Variants in FBXL7 observed in about 807,000 individuals in gnomAD.
FBXL7 encodes the protein F-box and leucine rich repeat protein 7, also known as F-box/LRR-repeat protein 7.
Under a neutral mutation model 38.3 loss-of-function variants are expected in FBXL7, and 12 were observed. The ratio of observed to expected loss-of-function variants is 0.31; its 90% confidence interval spans 0.20 to 0.51. The LOEUF is 0.51. FBXL7 is among the 20% of genes least tolerant of loss of function. The probability of loss-of-function intolerance (pLI) is 0.98; values close to 1 mark genes in which losing one functional copy is unlikely to be tolerated. For missense variants in FBXL7, 567 were observed against 676.4 expected, an observed-to-expected ratio of 0.84 and a Z score of 1.79; for synonymous variants, 297 against 300.9, an observed-to-expected ratio of 0.99 and a Z score of 0.13.
chr5:15,536,408 G>A (rs1737584437), intron 1 of FBXL7, among the ~76,000 whole-genome samples: 1 of 152,342 alleles, frequency 6.6e-6, no homozygotes, highest in East Asian at 1.9e-4. Flanking sequence ...GAAAGCTTCT[G>A]TGGTGGCTGT....
chr5:15,855,109 G>T (rs1739217164), intron 2 of FBXL7, among the ~76,000 whole-genome samples: 1 of 152,006 alleles, frequency 6.6e-6, no homozygotes, highest in South Asian at 2.1e-4. Flanking sequence ...AGTTTGCCCT[G>T]CTAATTTTCA....
rs185486682 is a variant in FBXL7, at chr5:15,558,130, T to C, written c.37+57417T>C. ...TACCACTGGATTCTACACATAAAAA[T>C]GGCTAGAATCACATGTTTTGTTATA... On this transcript the variant is annotated intron_variant, in intron 1 of 3. Transcript: ENST00000504595. Among the ~76,000 whole-genome samples the C allele has an allele frequency of 4.6e-5, 7 of 152,270 alleles. No individual in the cohort carries two copies. In the East Asian group the frequency reaches 1.4e-3, roughly 29 times the overall value.
chr5:15,781,667 GT>G (rs145767944), intron 2 of FBXL7, among the ~76,000 whole-genome samples: 3,315 of 152,076 alleles, frequency 0.022, 85 homozygotes, highest in East Asian at 0.068. Flanking sequence ...TTGCACCATA[GT>G]TTGATTTTTT....
chr5:15,602,776 G>C (rs1489234679), intron 1 of FBXL7, among the ~76,000 whole-genome samples: 1 of 152,058 alleles, frequency 6.6e-6, no homozygotes, highest in African/African-American at 2.4e-5. Flanking sequence ...AAATAAAACA[G>C]TGTTTGAGAA....
intron 1 of FBXL7, among the ~76,000 whole-genome samples, chr5:15,515,467 T>C (rs191284477): frequency 3.3e-5 from 5 of 152,312 alleles, no homozygotes; most frequent in Admixed American, 3.3e-4. Flanking sequence ...CTAGAGACCA[T>C]TTGCCTGATC....
chr5:15,650,282 A>G (rs945934606), intron 2 of FBXL7, among the ~76,000 whole-genome samples: 2 of 152,246 alleles, frequency 1.3e-5, no homozygotes, highest in East Asian at 3.8e-4. Context: ...TTTACACTAT[A>G]CTGTAGTCTA....
At chr5:15,565,401 T>A (rs779762448) in intron 1 of FBXL7, among the ~76,000 whole-genome samples, 1 of 151,980 alleles carries the variant, frequency 6.6e-6, no homozygotes, top group Non-Finnish European at 1.5e-5. Context: ...GGGTCTTTGT[T>A]AGAGACCCTC....
At chr5:15,792,720 A>G (rs756115957) in intron 2 of FBXL7, among the ~76,000 whole-genome samples, 7 of 152,070 alleles carry the variant, frequency 4.6e-5, no homozygotes, top group African/African-American at 7.2e-5. Flanking sequence ...CCTATCATCA[A>G]CTCAGCTACA....
At chr5:15,748,219 A>T (rs1736064152) in intron 2 of FBXL7, among the ~76,000 whole-genome samples, 1 of 152,212 alleles carries the variant, frequency 6.6e-6, no homozygotes, top group South Asian at 2.1e-4. Context: ...TGCACAGGAC[A>T]GGCCCTGACA....
intron 2 of FBXL7, among the ~76,000 whole-genome samples, chr5:15,705,129 T>C (rs1222946068): frequency 6.6e-6 from 1 of 152,206 alleles, no homozygotes; most frequent in Non-Finnish European, 1.5e-5. Context: ...TGAATTTTTA[T>C]AAACACAAAA....
intron 1 of FBXL7, among the ~76,000 whole-genome samples, chr5:15,533,976 G>A (rs1334786336): frequency 6.6e-6 from 1 of 151,862 alleles, no homozygotes; most frequent in Non-Finnish European, 1.5e-5. Flanking sequence ...TTATTATTAA[G>A]TCTGTTTATT....
intron 2 of FBXL7, among the ~76,000 whole-genome samples, chr5:15,859,247 T>C (rs1739368834): frequency 6.6e-6 from 1 of 152,198 alleles, no homozygotes; most frequent in Non-Finnish European, 1.5e-5. Flanking sequence ...ATCCATCTTC[T>C]ATTCCATCCT....
intron 2 of FBXL7, among the ~76,000 whole-genome samples, chr5:15,619,411 T>C (rs546754459): frequency 6.6e-6 from 1 of 152,198 alleles, no homozygotes. Flanking sequence ...AGCCGTCTCC[T>C]GCCCTGCTCA....
At chr5:15,527,027 T>C (rs1290352926) in intron 1 of FBXL7, among the ~76,000 whole-genome samples, 2 of 152,204 alleles carry the variant, frequency 1.3e-5, no homozygotes, top group Non-Finnish European at 2.9e-5. Flanking sequence ...ACTGTTCACA[T>C]TGTAGTAGTT....
chr5:15,885,148 G>C (rs141377218), intron 2 of FBXL7, among the ~76,000 whole-genome samples: 4 of 152,150 alleles, frequency 2.6e-5, no homozygotes, highest in African/African-American at 9.6e-5. Context: ...CCTCACTCAC[G>C]CAGTTGGTGG....
At chr5:15,896,117 C>G (rs1296214769) in intron 2 of FBXL7, among the ~76,000 whole-genome samples, 25 of 150,680 alleles carry the variant, frequency 1.7e-4, no homozygotes, top group Admixed American at 1.7e-3. Flanking sequence ...CGCTGCCTCC[C>G]AGGTTCAGGC....
At chr5:15,660,037 T>C (rs777332371) in intron 2 of FBXL7, among the ~76,000 whole-genome samples, 15 of 152,242 alleles carry the variant, frequency 9.9e-5, no homozygotes, top group Non-Finnish European at 2.2e-4. Flanking sequence ...CAGTTTCATC[T>C]AACAGCTTGT....
In FBXL7 at chr5:15,917,644, G is replaced by GGGAGGGAA. The variant is rs1303146282; in HGVS notation, c.128-10243_128-10242insGGGAAGGA. Among the ~76,000 whole-genome samples, 416 of 90,962 alleles carry GGGAGGGAA rather than the reference G, an allele frequency of 4.6e-3. 4 individuals carry two copies. Among genetic ancestry groups the GGGAGGGAA allele is most frequent in the African/African-American group, 0.016 (392 of 24,578 alleles). The allele number at this position is 90,962 out of a possible 152,430, so 59.7% of individuals were successfully genotyped here. A position where few individuals can be genotyped will look rare whatever the true frequency, so the allele number is the denominator to read the frequency against. ...AAATGAAAGAAAGTAAAGGAAGGGA[G>GGGAGGGAA]GGAAGGAAGGAAGGAAGGAAGGAAG... On this transcript the variant is annotated intron_variant, in intron 2 of 3. Coordinates refer to ENST00000504595, the MANE Select transcript of FBXL7 (RefSeq NM_012304.5).
intron 2 of FBXL7, among the ~76,000 whole-genome samples, chr5:15,904,341 T>C (rs755380841): frequency 6.6e-6 from 1 of 152,200 alleles, no homozygotes; most frequent in African/African-American, 2.4e-5. Flanking sequence ...GAATACACAA[T>C]ACACTTTGTT....
Sources: gnomAD v4.1 joint callset for allele counts (sites outside exome capture counted in the v4.1 genomes callset) on GRCh38, gnomAD v4.1.1 for gene constraint, MANE v1.5 for transcripts, NCBI Gene and HGNC (gene_info 2026-07-23, HGNC 2026-07-21) for gene names.